SLMAP: variants seen among roughly 807,000 people sequenced by gnomAD.
SLMAP encodes the protein sarcolemma associated protein.
In SLMAP, 44 loss-of-function variants were observed where a neutral mutation model predicts 128.8. The observed-to-expected ratio is 0.34, with a 90% confidence interval of 0.27 to 0.44. The LOEUF (loss-of-function observed/expected upper bound fraction) is 0.44, where lower values mean the gene tolerates loss of function less well. SLMAP is among the 20% of genes least tolerant of loss of function. The pLI, the probability that SLMAP is intolerant of heterozygous loss-of-function variation, is 1.00. For missense variants in SLMAP, 787 were observed against 985.3 expected, an observed-to-expected ratio of 0.80 and a Z score of 2.69; for synonymous variants, 327 against 348.8, an observed-to-expected ratio of 0.94 and a Z score of 0.70.
chr3:57,864,670 G>A lies in SLMAP; in HGVS notation c.1089G>A (p.Leu363=). 1 of 1,597,460 alleles carries A rather than the reference G, an allele frequency of 6.3e-7. No homozygotes were observed. The highest frequency in any genetic ancestry group is 1.2e-5 in the South Asian group (1 of 85,922). ...EQELQAKIEA[L]QADNDFTNER... ...AGCTCCAGGCAAAAATAGAAGCTTT[G>A]CAAGCTGATAATGATTTCACCAATG... Residue 363 remains leucine, a synonymous_variant, in exon 11 of 25, where the codon TTG becomes TTA. Coordinates refer to ENST00000671191, the MANE Select transcript of SLMAP (RefSeq NM_001377540.1).
intron 8 of SLMAP, 131 bp from the exon 9 acceptor site, chr3:57,860,568 G>A (rs1259286949): frequency 1.5e-5 from 10 of 661,388 alleles, no homozygotes; most frequent in South Asian, 3.6e-5. Flanking sequence ...TTAATACAGG[G>A]CCAGAATCAT....
chr3:57,794,236 A>G (rs1249560082), intron 2 of SLMAP, among the ~76,000 whole-genome samples: 1 of 151,936 alleles, frequency 6.6e-6, no homozygotes, highest in Non-Finnish European at 1.5e-5. Context: ...TTCTGTTCGT[A>G]CGCTATACTC....
At chr3:57,913,135 A>G (rs756364129) in intron 20 of SLMAP, 23 bp from the exon 21 acceptor site, 3 of 1,052,876 alleles carry the variant, frequency 2.8e-6, no homozygotes, top group South Asian at 1.4e-5. Flanking sequence ...TGTATTAACA[A>G]ATATGTTTTG....
intron 3 of SLMAP, among the ~76,000 whole-genome samples, chr3:57,838,554 C>G (rs1325269307): frequency 6.6e-6 from 1 of 152,218 alleles, no homozygotes; most frequent in African/African-American, 2.4e-5. Flanking sequence ...AGAGTTGAAT[C>G]TAATTGGTGA....
rs572064109 is a variant in SLMAP at position 57,794,183 on chromosome 3, T to A, written c.198+36334T>A. Among the ~76,000 whole-genome samples the A allele has an allele frequency of 4.6e-5, 7 of 152,092 alleles. 1 individual carries two copies. The South Asian group carries it at 1.4e-3, about 32-fold the overall frequency. On this transcript the variant is annotated intron_variant, in intron 2 of 24. Coordinates refer to ENST00000671191, the MANE Select transcript of SLMAP (RefSeq NM_001377540.1). ...TTTTCTCCCTATTCTGAAACTCACT[T>A]TCCTAACTTCTTTAGTGTGCATTTT...
At chr3:57,908,960 T>C in intron 18 of SLMAP, 116 bp from the exon 19 acceptor site, 1 of 696,414 alleles carries the variant, frequency 1.4e-6, no homozygotes, top group Non-Finnish European at 2.5e-6. Flanking sequence ...GCCTAACTTT[T>C]GTTTCTTTCA....
intron 4 of SLMAP, among the ~76,000 whole-genome samples, chr3:57,844,228 A>T (rs1214388032): frequency 6.6e-6 from 1 of 152,024 alleles, no homozygotes; most frequent in Non-Finnish European, 1.5e-5. Flanking sequence ...CCCCGTCTCT[A>T]CTAAAAATAC....
intron 15 of SLMAP, chr3:57,890,332 T>A (rs1173387230): frequency 7.3e-6 from 3 of 408,934 alleles, no homozygotes; most frequent in African/African-American, 6.1e-5. Context: ...GTTTTTTGAA[T>A]GTTAGTACTT....
intron 14 of SLMAP, among the ~76,000 whole-genome samples, chr3:57,886,496 A>G (rs943715802): frequency 2.6e-5 from 4 of 152,172 alleles, no homozygotes; most frequent in African/African-American, 7.2e-5. Flanking sequence ...AGCTAAAAAT[A>G]TGATACCAGA....
chr3:57,795,979 CA>C (rs2086646983), intron 2 of SLMAP, among the ~76,000 whole-genome samples: 1 of 151,810 alleles, frequency 6.6e-6, no homozygotes, highest in South Asian at 2.1e-4. Flanking sequence ...TGATGAAGTC[CA>C]ATTTATCTAT....
At chr3:57,801,695 C>T (rs903651362) in intron 2 of SLMAP, among the ~76,000 whole-genome samples, 4 of 150,916 alleles carry the variant, frequency 2.7e-5, no homozygotes, top group South Asian at 2.1e-4. Flanking sequence ...ATCTTAATAC[C>T]GTGATCTTTA....
At chr3:57,888,172 G>T (rs1434339206) in intron 14 of SLMAP, among the ~76,000 whole-genome samples, 1 of 151,972 alleles carries the variant, frequency 6.6e-6, no homozygotes, top group Non-Finnish European at 1.5e-5. Context: ...AAGTTGTATG[G>T]TTCTGTGAGA....
chr3:57,900,427 G>A (rs558353274), intron 17 of SLMAP: 1 of 152,176 alleles, frequency 6.6e-6, no homozygotes, highest in Middle Eastern at 3.4e-3. Flanking sequence ...CCCATAAAAC[G>A]TTTTTTAAAA....
chr3:57,916,610 C>CA (rs2096817980), intron 21 of SLMAP, among the ~76,000 whole-genome samples: 1 of 152,150 alleles, frequency 6.6e-6, no homozygotes, highest in Non-Finnish European at 1.5e-5. Context: ...TGAGTCTTTT[C>CA]ATGATGAAAT....
At chr3:57,818,643 A>G (rs1035996873) in intron 2 of SLMAP, among the ~76,000 whole-genome samples, 3 of 152,186 alleles carry the variant, frequency 2.0e-5, no homozygotes, top group African/African-American at 7.2e-5. Flanking sequence ...ATTTTCTTTG[A>G]TCTTGCTTTC....
chr3:57,778,926 C>T (rs2082450796), intron 2 of SLMAP, among the ~76,000 whole-genome samples: 2 of 151,928 alleles, frequency 1.3e-5, no homozygotes. Context: ...ATCTATTGAC[C>T]CAGCAGTTCT....
intron 14 of SLMAP, among the ~76,000 whole-genome samples, chr3:57,887,321 C>T (rs2095918915): frequency 6.6e-6 from 1 of 151,596 alleles, no homozygotes; most frequent in Admixed American, 6.6e-5. Context: ...TCTCCGCTTC[C>T]TGGGTTCAAA....
At chr3:57,793,418 T>G (rs1180955227) in intron 2 of SLMAP, among the ~76,000 whole-genome samples, 1 of 152,198 alleles carries the variant, frequency 6.6e-6, no homozygotes, top group East Asian at 1.9e-4. Flanking sequence ...GAATACTTCT[T>G]GTGTGCTGAG....
At chr3:57,911,815 T>C (rs2096706312) in intron 19 of SLMAP, among the ~76,000 whole-genome samples, 1 of 151,066 alleles carries the variant, frequency 6.6e-6, no homozygotes, top group African/African-American at 2.4e-5. Flanking sequence ...AGAAAAGGCC[T>C]CTTTAAAGAA....
Sources: gnomAD v4.1 joint callset for allele counts (sites outside exome capture counted in the v4.1 genomes callset) on GRCh38, gnomAD v4.1.1 for gene constraint, MANE v1.5 for transcripts, NCBI Gene and HGNC (gene_info 2026-07-23, HGNC 2026-07-21) for gene names.